The following MGAT4B variants were observed in gnomAD, a reference collection of about 807,000 sequenced individuals.
MGAT4B encodes the protein N-acetylglucosaminyltransferase IVb.
In MGAT4B, 38 loss-of-function variants were observed where a neutral mutation model predicts 73.9. That is an observed-to-expected ratio of 0.51 (90% CI 0.40 to 0.67). MGAT4B has a LOEUF of 0.67. Ranked by LOEUF, MGAT4B falls within the 30% of genes least tolerant of loss-of-function variation. The pLI, the probability that MGAT4B is intolerant of heterozygous loss-of-function variation, is 0.00. For synonymous variants in MGAT4B, 373 were observed against 313.5 expected (o/e 1.19, Z -2.01); for missense variants, 686 against 735.2 (o/e 0.93, Z 0.77).
At chr5:179,800,664 C>A in intron 5 of MGAT4B, 67 bp from the exon 6 acceptor site, 1 of 1,243,730 alleles carries the variant, frequency 8.0e-7, no homozygotes, top group South Asian at 1.3e-5. Context: ...GCCCACCAGA[C>A]TGTGGCCCTT....
Position 179,801,345 on chromosome 5 carries a change from G to C in MGAT4B, c.547C>G (p.Leu183Val). The change falls in exon 4 of 15, where the codon CTG becomes GTG. Residue 183 changes from leucine to valine, a missense_variant. Leu to Val is a conservative substitution (Grantham distance 32). This residue lies in a region of MGAT4B where 449 missense variants were observed against 536.8 expected (regional missense o/e 0.84). Transcript: ENST00000292591. The surrounding 1 kb of genome is among the most constrained non-coding windows in gnomAD (Gnocchi z 4.8). ...QEKEDSVIVV[L>V]IAETDSQYTS... ...CCCGGCTCACTCGCCTCGGCGATCA[G>C]CACCACGATGACCGAGTCCTCCTTC... 1 of 1,611,446 alleles carries C rather than the reference G, an allele frequency of 6.2e-7. No homozygotes were observed. Among genetic ancestry groups the C allele is most frequent in the African/African-American group, 1.3e-5 (1 of 74,956 alleles).
rs1199209289 is a variant in MGAT4B, at chr5:179,800,465, A to G, written c.719+19T>C. The G allele has an allele frequency of 4.4e-5, 68 of 1,529,528 alleles. No homozygotes were observed. Among genetic ancestry groups the G allele is most frequent in the Non-Finnish European group, 6.0e-5 (67 of 1,112,044 alleles). 94.7% of individuals were successfully genotyped at this position (1,529,528 alleles called of 1,614,324 possible). ...CACAGGCAGGCGGGTTGCTGAGGGT[A>G]TGGGGGAGTAACTAGTACCTGACTC... is the stretch of plus-strand genomic sequence containing the variant. On this transcript the variant is annotated intron_variant, in intron 6 of 14. Transcript: ENST00000292591.
At chr5:179,803,438 G>C (rs1757027122) in intron 1 of MGAT4B, 1 of 207,242 alleles carries the variant, frequency 4.8e-6, no homozygotes, top group African/African-American at 2.4e-5. Context: ...ACCAGGTGTA[G>C]GCAGCACTCG....
In MGAT4B at chr5:179,806,622, T is replaced by A. The variant is rs1757172854; in HGVS notation, c.-39A>T. On this transcript the variant is annotated 5_prime_UTR_variant, in exon 1 of 15. Transcript: ENST00000292591. The surrounding 1 kb of genome is among the most constrained non-coding windows in gnomAD (Gnocchi z 4.6). Reference sequence around the variant, plus strand: ...CGGCGGGCGCCCGCGGGGCCGAGGCTGCATGGCCCGGGGGACCGGGGCCGG... The same window carrying A: ...CGGCGGGCGCCCGCGGGGCCGAGGCAGCATGGCCCGGGGGACCGGGGCCGG... The A allele has an allele frequency of 2.7e-6, 3 of 1,126,406 alleles. No homozygotes were observed. The highest frequency in any genetic ancestry group is 3.4e-6 in the Non-Finnish European group (3 of 885,530). 69.8% of individuals were successfully genotyped at this position (1,126,406 alleles called of 1,614,324 possible). A position where few individuals can be genotyped will look rare whatever the true frequency, so the allele number is the denominator to read the frequency against.
chr5:179,802,201 G>C, intron 1 of MGAT4B: 2 of 1,481,304 alleles, frequency 1.4e-6, no homozygotes, highest in Middle Eastern at 1.9e-4. Context: ...CTCCCCCACC[G>C]GGGGTTATTT....
intron 1 of MGAT4B, chr5:179,802,418 C>T (rs1420741751): frequency 1.6e-5 from 18 of 1,127,238 alleles, no homozygotes; most frequent in Non-Finnish European, 1.9e-5. Context: ...TTGTAGCGGT[C>T]GCTGGTTGCT....
rs536304417 is a variant in MGAT4B, at chr5:179,801,172, G to A, written c.558+162C>T. On this transcript the variant is annotated intron_variant, in intron 4 of 14. Transcript: ENST00000292591. The surrounding 1 kb of genome is among the most constrained non-coding windows in gnomAD (Gnocchi z 4.8). ...GGCGGGGGCGATGGGTAGGGGTAGA[G>A]GGTGCCAGAAAGCCCTTTCAACTTT... is the stretch of plus-strand genomic sequence containing the variant. Among the ~76,000 whole-genome samples the A allele has an allele frequency of 6.6e-6, 1 of 152,248 alleles. No homozygotes were observed. Among genetic ancestry groups the A allele is most frequent in the East Asian group, 1.9e-4 (1 of 5,166 alleles).
intron 1 of MGAT4B, among the ~76,000 whole-genome samples, chr5:179,804,082 G>A (rs767915411): frequency 2.0e-5 from 3 of 152,256 alleles, no homozygotes; most frequent in Non-Finnish European, 2.9e-5. Flanking sequence ...AATGAGGCCT[G>A]GAGGCTGTGT....
At position 179,798,502 on chromosome 5, in the gene MGAT4B, A is replaced by G; in HGVS notation, c.1422+11T>C. 1.9e-6 allele frequency: 3 copies of G among 1,613,456 alleles called. No individual in the cohort carries two copies. Among genetic ancestry groups the G allele is most frequent in the Non-Finnish European group, 2.5e-6 (3 of 1,179,996 alleles). ...CCCGGCTTCAGTGCACACCACACCC[A>G]CCGAACTTACGTCGAAGGGCAGCAC... On this transcript the variant is annotated intron_variant, in intron 12 of 14. Transcript: ENST00000292591.
Position 179,797,910 on chromosome 5 carries a change from A to G in MGAT4B, c.*135T>C. ...GGCCTCCGGGCCAGCGGCGGACCCC[A>G]GGCCGGCCCAAGCCCGACGCCAGGC... On this transcript the variant is annotated 3_prime_UTR_variant, in exon 15 of 15. Coordinates refer to ENST00000292591, the MANE Select transcript of MGAT4B (RefSeq NM_014275.5). 7.7e-7 allele frequency: 1 copy of G among 1,292,970 alleles called. No homozygotes were observed. The highest frequency in any genetic ancestry group is 1.1e-6 in the Non-Finnish European group (1 of 930,224). The allele number at this position is 1,292,970 out of a possible 1,614,324, so 80.1% of individuals were successfully genotyped here.
Position 179,801,092 on chromosome 5 carries a change from G to A in MGAT4B, c.559-139C>T. ...GCTGTGCTGAGGGCGGAGTAAGGGG[G>A]CCCCCAGAGACGGCCCTTTCCCTTT... On this transcript the variant is annotated intron_variant, in intron 4 of 14. Transcript: ENST00000292591. This position sits in a 1 kb window ranked among gnomAD's most constrained non-coding sequence, Gnocchi z 4.8. 2 of 1,256,228 alleles carry A rather than the reference G, an allele frequency of 1.6e-6. No individual in the cohort carries two copies. The highest frequency in any genetic ancestry group is 1.3e-5 in the South Asian group (1 of 74,376). 77.8% of individuals were successfully genotyped at this position (1,256,228 alleles called of 1,614,324 possible). A position where few individuals can be genotyped will look rare whatever the true frequency, so the allele number is the denominator to read the frequency against.
At position 179,799,948 on chromosome 5, in the gene MGAT4B, G is replaced by T. The variant is rs377639281; in HGVS notation, c.910+6C>A. ...AAGGCACCGTCAGGTAAGGGGAGGG[G>T]CACACCAATGAAGCCCAGCTGGGAG... is the stretch of plus-strand genomic sequence containing the variant. On this transcript the variant is annotated splice_donor_region_variant and intron_variant, in intron 8 of 14. Transcript: ENST00000292591. The T allele has an allele frequency of 6.2e-7, 1 of 1,609,260 alleles. No homozygotes were observed. Among genetic ancestry groups the T allele is most frequent in the Non-Finnish European group, 8.5e-7 (1 of 1,175,884 alleles).
rs1159717598 is a variant in MGAT4B, at chr5:179,806,496, C to T, written c.88G>A (p.Gly30Ser). The T allele has an allele frequency of 3.8e-6, 5 of 1,310,898 alleles. No individual in the cohort carries two copies. The highest frequency in any genetic ancestry group is 4.0e-6 in the Non-Finnish European group (4 of 1,004,246). 81.2% of individuals were successfully genotyped at this position (1,310,898 alleles called of 1,614,324 possible). Residue 30 changes from glycine to serine, a missense_variant, in exon 1 of 15, where the codon GGC (glycine) becomes AGC (serine). Transcript: ENST00000292591. This position sits in a 1 kb window ranked among gnomAD's most constrained non-coding sequence, Gnocchi z 4.6. Reference sequence around the variant, plus strand: ...CGGGGGTCGCGCTCACCTTTCTGGCCGCTGAGTGCCGCGTACCAGGACAGC... The same window carrying T: ...CGGGGGTCGCGCTCACCTTTCTGGCTGCTGAGTGCCGCGTACCAGGACAGC... ...LSLSWYAALSGQKGDVVDVYQ... is the reference protein window; with the variant it reads ...LSLSWYAALSSQKGDVVDVYQ...
Position 179,801,600 on chromosome 5 carries a change from C to G in MGAT4B, c.378G>C (p.Glu126Asp), listed in dbSNP as rs1243710406. The G allele has an allele frequency of 6.2e-7, 1 of 1,607,746 alleles. No homozygotes were observed. The highest frequency in any genetic ancestry group is 8.5e-7 in the Non-Finnish European group (1 of 1,178,132). The change falls in exon 3 of 15, where the codon GAG becomes GAC. Residue 126 changes from glutamate (E) to aspartate (D), a missense_variant. Coordinates refer to ENST00000292591, the MANE Select transcript of MGAT4B (RefSeq NM_014275.5). The surrounding 1 kb of genome is among the most constrained non-coding windows in gnomAD (Gnocchi z 4.8). ...CGCGCACCGCGGGCTGCAGACTGCT[C>G]TCCTTGGCCAGCAGGTGTGGCAGGT... is the stretch of plus-strand genomic sequence containing the variant. ...FHHLPHLLAKESSLQPAVRVG... is the reference protein window; with the variant it reads ...FHHLPHLLAKDSSLQPAVRVG...
Position 179,801,130 on chromosome 5 carries a change from G to A in MGAT4B, c.559-177C>T. 1 of 1,132,650 alleles carries A rather than the reference G, an allele frequency of 8.8e-7. No homozygotes were observed. Among genetic ancestry groups the A allele is most frequent in the Non-Finnish European group, 1.2e-6 (1 of 807,038 alleles). 70.2% of individuals were successfully genotyped at this position (1,132,650 alleles called of 1,614,324 possible). ...GCCCTTTCCCTTTGGGACTCGCATG[G>A]CCAAGGACTAGGGGGTGGCGGGGGC... On this transcript the variant is annotated intron_variant, in intron 4 of 14. Transcript: ENST00000292591. The surrounding 1 kb of genome is among the most constrained non-coding windows in gnomAD (Gnocchi z 4.8).
In MGAT4B at chr5:179,798,966, G is replaced by A. The variant is rs774214600; in HGVS notation, c.1305C>T (p.Phe435=). The change falls in exon 11 of 15, where the codon TTC becomes TTT. Residue 435 remains phenylalanine (F), a synonymous_variant. Coordinates refer to ENST00000292591, the MANE Select transcript of MGAT4B (RefSeq NM_014275.5). ...GAGGTTGGAAGAAGCGGAAGCGGAT[G>A]AAGTCCCCCGCGGCAGGGGTGAAGG... ...FWAFTPAAGD[F]IRFRFFQPLR... is the part of the protein sequence containing the mutation. 11 of 1,613,604 alleles carry A rather than the reference G, an allele frequency of 6.8e-6. No homozygotes were observed. The Admixed American group carries it at 1.5e-4, about 22-fold the overall frequency.
chr5:179,804,514 C>T (rs778186183), intron 1 of MGAT4B, among the ~76,000 whole-genome samples: 1 of 152,212 alleles, frequency 6.6e-6, no homozygotes, highest in East Asian at 1.9e-4. Flanking sequence ...AGCTGCTGCA[C>T]GGGCTAGATA....
At chr5:179,805,683 G>A (rs1005431180) in intron 1 of MGAT4B, among the ~76,000 whole-genome samples, 1 of 152,256 alleles carries the variant, frequency 6.6e-6, no homozygotes. Flanking sequence ...GGAGGCCGAG[G>A]GGCAGCTGGA....
At chr5:179,800,405 AC>A (rs1357080493) in intron 6 of MGAT4B, 78 bp downstream of exon 6, 16 of 1,415,744 alleles carry the variant, frequency 1.1e-5, no homozygotes, top group Non-Finnish European at 1.5e-5. Flanking sequence ...GCAGGGAAAC[AC>A]CCTGGACTCA....
Sources: gnomAD v4.1 joint callset for allele counts (sites outside exome capture counted in the v4.1 genomes callset) on GRCh38, gnomAD v4.1.1 for gene constraint, gnomAD v4.1.1 regional missense constraint, Gnocchi (gnomAD v3.1) non-coding constraint, MANE v1.5 for transcripts, NCBI Gene and HGNC (gene_info 2026-07-23, HGNC 2026-07-21) for gene names.